PCGF5: variants seen among roughly 807,000 people sequenced by gnomAD.
The protein encoded by PCGF5 is polycomb group ring finger 5.
A neutral mutation model predicts 44.3 loss-of-function variants in PCGF5; 9 were observed. The ratio of observed to expected loss-of-function variants is 0.20; its 90% CI spans 0.12 to 0.35. The LOEUF is 0.35. PCGF5 is among the 10% of genes least tolerant of loss of function. PCGF5 has a pLI of 1.00. For missense variants in PCGF5, 146 were observed against 305.3 expected, an observed-to-expected ratio of 0.48 and a Z score of 3.89; for synonymous variants, 95 against 102.5, an observed-to-expected ratio of 0.93 and a Z score of 0.44.
intron 1 of PCGF5, among the ~76,000 whole-genome samples, chr10:91,195,205 G>A (rs1844105395): frequency 6.6e-6 from 1 of 151,850 alleles, no homozygotes; most frequent in Non-Finnish European, 1.5e-5. Context: ...CTTAAAGTTT[G>A]TGGTTATGAA....
At chr10:91,260,155 T>C (rs544472261) in intron 6 of PCGF5, among the ~76,000 whole-genome samples, 3 of 126,734 alleles carry the variant, frequency 2.4e-5, no homozygotes, top group African/African-American at 1.2e-4. Flanking sequence ...GCAAAGGGTA[T>C]GAACAGACAC....
intron 1 of PCGF5, among the ~76,000 whole-genome samples, chr10:91,179,839 AT>A (rs1324800259): frequency 5.3e-5 from 8 of 152,146 alleles, no homozygotes; most frequent in African/African-American, 1.9e-4. Context: ...TTGTAGAATT[AT>A]TTATATTCCT....
chr10:91,238,600 T>TCTTTC (rs1491303813), intron 2 of PCGF5, among the ~76,000 whole-genome samples: 1 of 113,708 alleles, frequency 8.8e-6, no homozygotes, highest in African/African-American at 3.5e-5. Context: ...TTTCTTTCTT[T>TCTTTC]CTTTTTTTTT....
chr10:91,253,029 T>G (rs1299839557), intron 6 of PCGF5, among the ~76,000 whole-genome samples: 1 of 151,942 alleles, frequency 6.6e-6, no homozygotes, highest in Non-Finnish European at 1.5e-5. Context: ...CTACCCTGAT[T>G]CTTCCTTTTT....
Position 91,281,819 on chromosome 10 carries a change from A to G in PCGF5, c.*3503A>G, listed in dbSNP as rs778961006. On this transcript the variant is annotated 3_prime_UTR_variant, in exon 10 of 10. Transcript: ENST00000336126. Reference sequence around the variant, plus strand: ...AATCAGAACACACTTCCTTTCAAATATGTTCATTGTTTTTCAGCATCATCT... The same window carrying G: ...AATCAGAACACACTTCCTTTCAAATGTGTTCATTGTTTTTCAGCATCATCT... The G allele has an allele frequency of 2.0e-5, 3 of 152,234 alleles. No homozygotes were observed. The highest frequency in any genetic ancestry group is 7.2e-5 in the African/African-American group (3 of 41,456). The allele number at this position is 152,234 out of a possible 1,614,324, so 9.4% of individuals were successfully genotyped here.
chr10:91,276,633 C>T (rs1846319994), intron 9 of PCGF5, among the ~76,000 whole-genome samples: 2 of 152,084 alleles, frequency 1.3e-5, no homozygotes, highest in Non-Finnish European at 2.9e-5. Flanking sequence ...CATTTTCAGC[C>T]GGAAACTGAG....
chr10:91,176,318 A>G (rs547889206), intron 1 of PCGF5, among the ~76,000 whole-genome samples: 14 of 152,282 alleles, frequency 9.2e-5, no homozygotes, highest in Non-Finnish European at 1.2e-4. Context: ...GGGTAACCCA[A>G]CCTTTCTCTC....
chr10:91,200,211 A>C (rs974194563), intron 1 of PCGF5, among the ~76,000 whole-genome samples: 3 of 152,246 alleles, frequency 2.0e-5, no homozygotes, highest in African/African-American at 7.2e-5. Context: ...TGCCTTCAGC[A>C]TGTAGAGATG....
intron 1 of PCGF5, among the ~76,000 whole-genome samples, chr10:91,189,334 A>ATAC (rs1843988325): frequency 6.6e-6 from 1 of 152,168 alleles, no homozygotes; most frequent in South Asian, 2.1e-4. Context: ...ACCTATCTCC[A>ATAC]CTAGACAGTG....
chr10:91,235,385 C>T (rs1344788381), intron 2 of PCGF5, among the ~76,000 whole-genome samples: 5 of 152,100 alleles, frequency 3.3e-5, no homozygotes, highest in African/African-American at 1.2e-4. Flanking sequence ...ACTTAGTAAA[C>T]ATTAGGCAAA....
At position 91,283,047 on chromosome 10, in the gene PCGF5, C is replaced by G. The variant is rs551889743; in HGVS notation, c.*4731C>G. On this transcript the variant is annotated 3_prime_UTR_variant, in exon 10 of 10. Coordinates refer to ENST00000336126, the MANE Select transcript of PCGF5 (RefSeq NM_032373.5). ...AACTGTTCTGGATTTACCTGACAAA[C>G]CTAGTTGAGTAGCATTTTGACAGAA... 8.5e-5 allele frequency: 13 copies of G among 152,256 alleles called. No homozygotes were observed. The highest frequency in any genetic ancestry group is 3.1e-4 in the African/African-American group (13 of 41,564). 9.4% of individuals were successfully genotyped at this position (152,256 alleles called of 1,614,324 possible). A position where few individuals can be genotyped will look rare whatever the true frequency, so the allele number is the denominator to read the frequency against.
At chr10:91,270,654 G>A (rs958998386) in intron 8 of PCGF5, among the ~76,000 whole-genome samples, 1 of 152,024 alleles carries the variant, frequency 6.6e-6, no homozygotes, top group African/African-American at 2.4e-5. Context: ...TATTTAAAAG[G>A]CTACAAATAT....
intron 1 of PCGF5, among the ~76,000 whole-genome samples, chr10:91,203,787 C>G (rs1844295641): frequency 6.6e-6 from 1 of 151,976 alleles, no homozygotes; most frequent in Admixed American, 6.6e-5. Context: ...TTTTATAGAT[C>G]CTTTATTCTT....
chr10:91,247,404 T>C (rs952201829), intron 3 of PCGF5, among the ~76,000 whole-genome samples: 6 of 152,108 alleles, frequency 3.9e-5, no homozygotes, highest in Admixed American at 6.6e-5. Flanking sequence ...ACAGAAATAA[T>C]GTAGGTTTTA....
chr10:91,168,460 T>G lies in PCGF5; in HGVS notation c.-184+5379T>G, dbSNP rs573181349. Among the ~76,000 whole-genome samples, 17 of 151,984 alleles carry G rather than the reference T, an allele frequency of 1.1e-4. 1 individual carries two copies. The South Asian group carries it at 3.3e-3, about 30-fold the overall frequency. ...CGTCAGTAGCCTTTGAGGAACAGAG[T>G]CAGTTGGGCAGTGGGGATTAGTGGG... On this transcript the variant is annotated intron_variant, in intron 1 of 9. Coordinates refer to the PCGF5 transcript ENST00000614189.
chr10:91,281,977 T>G lies in PCGF5; in HGVS notation c.*3661T>G, dbSNP rs1032370013. 6.6e-6 allele frequency: 1 copy of G among 152,242 alleles called. No homozygotes were observed. The highest frequency in any genetic ancestry group is 1.5e-5 in the Non-Finnish European group (1 of 68,036). The allele number at this position is 152,242 out of a possible 1,614,324, so 9.4% of individuals were successfully genotyped here. A position where few individuals can be genotyped will look rare whatever the true frequency, so the allele number is the denominator to read the frequency against. On this transcript the variant is annotated 3_prime_UTR_variant, in exon 10 of 10. Transcript: ENST00000336126. ...TTCAGATTTTTAATTTGAGAGGGTT[T>G]TTATTTCATGGAGGCAGTGTTAACT...
rs180813910 is a variant in PCGF5, at chr10:91,271,808, G to A, written c.723+111G>A. The A allele has an allele frequency of 9.4e-5, 81 of 862,850 alleles. No homozygotes were observed. The East Asian group carries it at 2.1e-3, about 23-fold the overall frequency. 53.4% of individuals were successfully genotyped at this position (862,850 alleles called of 1,614,324 possible). Reference sequence around the variant, plus strand: ...TTAACTTTGTAAAACTGTTACTGGAGCTACAAAAACTTATCTTTTCAACTT... The same window carrying A: ...TTAACTTTGTAAAACTGTTACTGGAACTACAAAAACTTATCTTTTCAACTT... On this transcript the variant is annotated intron_variant, in intron 9 of 9. Transcript: ENST00000336126.
intron 1 of PCGF5, among the ~76,000 whole-genome samples, chr10:91,194,988 G>A (rs186500671): frequency 6.6e-6 from 1 of 152,256 alleles, no homozygotes; most frequent in Admixed American, 6.5e-5. Context: ...AAAGCAGACA[G>A]TATAGGGGGA....
At chr10:91,227,389 C>T (rs1363088994) in intron 2 of PCGF5, 2 of 1,287,176 alleles carry the variant, frequency 1.6e-6, no homozygotes, top group South Asian at 2.5e-5. Context: ...ACCTGAAACT[C>T]AGCATATCTA....
Sources: allele counts gnomAD v4.1 joint callset (sites outside exome capture counted in the v4.1 genomes callset), GRCh38; gene constraint gnomAD v4.1.1; transcripts MANE v1.5; gene names NCBI Gene and HGNC (gene_info 2026-07-23, HGNC 2026-07-21).